Variants in KDSR observed in about 807,000 individuals in gnomAD.
The protein encoded by KDSR is 3-dehydrosphinganine reductase.
Under a neutral mutation model 41.3 loss-of-function variants are expected in KDSR, and 23 were observed. The ratio of observed to expected loss-of-function variants is 0.56; its 90% CI spans 0.40 to 0.79. The LOEUF is 0.79. Ranked by LOEUF, KDSR falls within the 30% of genes least tolerant of loss-of-function variation. The pLI, the probability that KDSR is intolerant of heterozygous loss-of-function variation, is 0.00. For missense variants in KDSR, 351 were observed against 416.8 expected, an observed-to-expected ratio of 0.84 and a Z score of 1.37; for synonymous variants, 138 against 151.7, an observed-to-expected ratio of 0.91 and a Z score of 0.66.
Position 63,335,397 on chromosome 18 carries a change from G to A in KDSR, c.778-39C>T, listed in dbSNP as rs1914124505. The A allele has an allele frequency of 2.9e-6, 4 of 1,374,570 alleles. No homozygotes were observed. The East Asian group carries it at 9.1e-5, about 31-fold the overall frequency. 85.1% of individuals were successfully genotyped at this position (1,374,570 alleles called of 1,614,324 possible). A position where few individuals can be genotyped will look rare whatever the true frequency, so the allele number is the denominator to read the frequency against. On this transcript the variant is annotated intron_variant, in intron 8 of 9. Transcript: ENST00000645214. ...AAAAGAAGAGAAAGAGGGAATCCTA[G>A]TAATGTGGACAGAAATCAGTCGGAC...
At position 63,331,695 on chromosome 18, in the gene KDSR, A is replaced by C; in HGVS notation, c.*87T>G. On this transcript the variant is annotated 3_prime_UTR_variant, in exon 10 of 10. Coordinates refer to ENST00000645214, the MANE Select transcript of KDSR (RefSeq NM_002035.4). ...CTGACGTATTCGAAAACAATACATA[A>C]GTGTCTATAGGCCAAAAATTGGGTC... The C allele has an allele frequency of 7.5e-7, 1 of 1,336,648 alleles. No individual in the cohort carries two copies. Among genetic ancestry groups the C allele is most frequent in the Non-Finnish European group, 1.0e-6 (1 of 959,522 alleles). 82.8% of individuals were successfully genotyped at this position (1,336,648 alleles called of 1,614,324 possible). A position where few individuals can be genotyped will look rare whatever the true frequency, so the allele number is the denominator to read the frequency against.
At chr18:63,357,448 A>G (rs1472207854) in intron 3 of KDSR, among the ~76,000 whole-genome samples, 1 of 150,912 alleles carries the variant, frequency 6.6e-6, no homozygotes, top group Non-Finnish European at 1.5e-5. Flanking sequence ...TAGTCTATAC[A>G]TACAATAGAA....
At position 63,328,043 on chromosome 18, in the gene KDSR, GACTT is replaced by G. The variant is rs1181302751; in HGVS notation, c.*3735_*3738del. ...TGGTTGGCAGGTACTTTTTAAAGCT[GACTT>G]ACTAAGAACTAAAAGAAATGAGAAA... On this transcript the variant is annotated 3_prime_UTR_variant, in exon 10 of 10. Transcript: ENST00000645214. 1.0e-5 allele frequency: 2 copies of G among 198,474 alleles called. No individual in the cohort carries two copies. The highest frequency in any genetic ancestry group is 2.3e-5 in the African/African-American group (1 of 43,368). 12.3% of individuals were successfully genotyped at this position (198,474 alleles called of 1,614,324 possible). A position where few individuals can be genotyped will look rare whatever the true frequency, so the allele number is the denominator to read the frequency against.
At chr18:63,355,665 C>A in intron 3 of KDSR, 102 bp from the exon 4 acceptor site, 1 of 1,378,506 alleles carries the variant, frequency 7.3e-7, no homozygotes, top group South Asian at 1.7e-5. Flanking sequence ...CAGAAGGAAG[C>A]CAATATTGAA....
intron 1 of KDSR, chr18:63,365,864 T>C (rs1467038051): frequency 6.6e-6 from 1 of 152,210 alleles, no homozygotes; most frequent in Non-Finnish European, 1.5e-5. Flanking sequence ...CAGGAGGTGT[T>C]GGAAAAAGCT....
At chr18:63,364,372 T>C (rs1403389155) in intron 1 of KDSR, among the ~76,000 whole-genome samples, 5 of 152,164 alleles carry the variant, frequency 3.3e-5, no homozygotes, top group African/African-American at 1.2e-4. Context: ...TCCACTATAT[T>C]CCTAGCACTT....
chr18:63,353,064 C>T (rs1156298855), intron 5 of KDSR, among the ~76,000 whole-genome samples: 1 of 151,456 alleles, frequency 6.6e-6, no homozygotes, highest in Non-Finnish European at 1.5e-5. Flanking sequence ...AACTGTAATC[C>T]CAGCTACTCG....
chr18:63,332,614 G>A (rs1914037926), intron 9 of KDSR, among the ~76,000 whole-genome samples: 2 of 152,070 alleles, frequency 1.3e-5, no homozygotes, highest in Non-Finnish European at 2.9e-5. Flanking sequence ...GGTGGATCAC[G>A]AGGTCAGGAG....
At position 63,362,773 on chromosome 18, in the gene KDSR, C is replaced by T; in HGVS notation, c.198+6G>A. On this transcript the variant is annotated splice_donor_region_variant and intron_variant, in intron 2 of 9. Transcript: ENST00000645214. ...AAGTCAGTAATAATGAACCTAGAAG[C>T]CTTACCTCATTTCGTGCAACCAGAG... 6.3e-7 allele frequency: 1 copy of T among 1,595,762 alleles called. No homozygotes were observed. Among genetic ancestry groups the T allele is most frequent in the Non-Finnish European group, 8.6e-7 (1 of 1,163,792 alleles).
chr18:63,359,502 G>T, intron 3 of KDSR: 1 of 389,656 alleles, frequency 2.6e-6, no homozygotes, highest in Non-Finnish European at 4.6e-6. Flanking sequence ...GAAATTATTT[G>T]CCAGTAAAAC....
Position 63,330,671 on chromosome 18 carries a change from T to C in KDSR, c.*1111A>G, listed in dbSNP as rs1913951970. 8.6e-6 allele frequency: 2 copies of C among 231,586 alleles called. No individual in the cohort carries two copies. Among genetic ancestry groups the C allele is most frequent in the African/African-American group, 2.2e-5 (1 of 45,266 alleles). The allele number at this position is 231,586 out of a possible 1,614,324, so 14.3% of individuals were successfully genotyped here. ...TTTTTTTCTTAATGAGCAAACTTTATACCATCATCAGCCTTTCCTAAAAGC... is the reference window on the plus strand; with the variant it reads ...TTTTTTTCTTAATGAGCAAACTTTACACCATCATCAGCCTTTCCTAAAAGC... On this transcript the variant is annotated 3_prime_UTR_variant, in exon 10 of 10. Coordinates refer to ENST00000645214, the MANE Select transcript of KDSR (RefSeq NM_002035.4).
At chr18:63,361,652 T>A (rs1469123923) in intron 2 of KDSR, among the ~76,000 whole-genome samples, 1 of 151,688 alleles carries the variant, frequency 6.6e-6, no homozygotes, top group Non-Finnish European at 1.5e-5. Flanking sequence ...CTGTCTCTAC[T>A]AAAAATACAA....
At chr18:63,345,577 C>T (rs1263446545) in intron 6 of KDSR, 1 of 152,238 alleles carries the variant, frequency 6.6e-6, no homozygotes, top group Non-Finnish European at 1.5e-5. Flanking sequence ...AGATCAGCCA[C>T]TGCACATCTT....
intron 5 of KDSR, 109 bp from the exon 6 acceptor site, chr18:63,351,188 G>C (rs1183607416): frequency 1.2e-6 from 1 of 836,054 alleles, no homozygotes; most frequent in Admixed American, 2.7e-5. Context: ...TCAAGTGACT[G>C]GGAAGCCCAA....
At chr18:63,362,376 T>C (rs1915015145) in intron 2 of KDSR, among the ~76,000 whole-genome samples, 1 of 152,198 alleles carries the variant, frequency 6.6e-6, no homozygotes, top group Admixed American at 6.5e-5. Flanking sequence ...CCTAAGCAAA[T>C]CGTAGTGAAA....
At chr18:63,335,384 A>C (rs1159046243) in intron 8 of KDSR, 26 bp from the exon 9 acceptor site, 1 of 1,499,580 alleles carries the variant, frequency 6.7e-7, no homozygotes, top group African/African-American at 1.4e-5. Context: ...AAGAAGAGAA[A>C]GAGGGAATCC....
At chr18:63,358,422 T>A (rs927858934) in intron 3 of KDSR, among the ~76,000 whole-genome samples, 1 of 152,106 alleles carries the variant, frequency 6.6e-6, no homozygotes, top group African/African-American at 2.4e-5. Flanking sequence ...TTAAAAATCA[T>A]TGAATTATAT....
intron 2 of KDSR, among the ~76,000 whole-genome samples, chr18:63,361,007 T>TATATATA (rs377382136): frequency 4.6e-5 from 1 of 21,536 alleles, no homozygotes; most frequent in East Asian, 3.5e-3. Flanking sequence ...AAAAAATATA[T>TATATATA]ATATATATAA....
At chr18:63,363,840 G>T (rs1183190833) in intron 1 of KDSR, among the ~76,000 whole-genome samples, 2 of 152,094 alleles carry the variant, frequency 1.3e-5, no homozygotes, top group East Asian at 3.9e-4. Flanking sequence ...TTCAATTATG[G>T]AATTATTCCT....
Sources: gnomAD v4.1 joint callset for allele counts (sites outside exome capture counted in the v4.1 genomes callset) on GRCh38, gnomAD v4.1.1 for gene constraint, MANE v1.5 for transcripts, NCBI Gene and HGNC (gene_info 2026-07-23, HGNC 2026-07-21) for gene names.